TYSND1: variants seen among roughly 807,000 people sequenced by gnomAD.
TYSND1 encodes the protein peroxisomal leader peptide-processing protease.
TYSND1 carries 30 observed loss-of-function variants against 37.2 expected under a neutral mutation model. The ratio of observed to expected loss-of-function variants is 0.81; its 90% CI spans 0.60 to 1.09. The LOEUF is 1.09. Ranked by LOEUF, TYSND1 falls within the 50% of genes least tolerant of loss-of-function variation. The pLI, the probability that TYSND1 is intolerant of heterozygous loss-of-function variation, is 0.00. For missense variants in TYSND1, 806 were observed against 817.4 expected (o/e 0.99, Z 0.17); for synonymous variants, 364 against 383.8 (o/e 0.95, Z 0.60).
At position 70,140,535 on chromosome 10, in the gene TYSND1, GAATGAATGAATGA is replaced by G. The variant is rs1431514230; in HGVS notation, c.1484-407_1484-395del. Among the ~76,000 whole-genome samples the G allele has an allele frequency of 1.5e-3, 225 of 150,484 alleles. 2 individuals are homozygous for G. The Middle Eastern group carries it at 0.058, about 39-fold the overall frequency. ...TGAATGAATGAATGAATGAATGAAT[GAATGAATGAATGA>G]ATGAATCAGACCCACAGACATATTT... On this transcript the variant is annotated intron_variant, in intron 3 of 3. Transcript: ENST00000287078.
At chr10:70,141,834 G>A (rs565720754) in intron 3 of TYSND1, among the ~76,000 whole-genome samples, 245 of 152,148 alleles carry the variant, frequency 1.6e-3, no homozygotes, top group Middle Eastern at 6.8e-3. Context: ...CTCAGCCTCC[G>A]GAAGTGTTGG....
At position 70,144,487 on chromosome 10, in the gene TYSND1, G is replaced by A. The variant is rs1589865181; in HGVS notation, c.1167-515C>T. On this transcript the variant is annotated intron_variant, in intron 1 of 3. Transcript: ENST00000287078. Reference sequence around the variant, plus strand: ...CCTCTGGGTCCCTATTTACGTACACGCTAACACTTCTGTAGCACACGACGT... The same window carrying A: ...CCTCTGGGTCCCTATTTACGTACACACTAACACTTCTGTAGCACACGACGT... The A allele has an allele frequency of 8.1e-6, 8 of 992,330 alleles. No individual in the cohort carries two copies. The South Asian group carries it at 2.3e-4, about 28-fold the overall frequency. The allele number at this position is 992,330 out of a possible 1,614,324, so 61.5% of individuals were successfully genotyped here.
Position 70,145,924 on chromosome 10 carries a change from G to C in TYSND1, c.663C>G (p.Val221=). Residue 221 remains valine (V), a synonymous_variant, in exon 1 of 4, where the codon GTC becomes GTG. Transcript: ENST00000287078. ...AGAAGGCGCCGAAAGGGGAGCCGCA[G>C]ACCAGCAATGGCGCACCCTTGGGCA... ...GAVPKGAPLL[V]CGSPFGAFCP... is the part of the protein sequence containing the mutation. 2 of 1,551,998 alleles carry C rather than the reference G, an allele frequency of 1.3e-6. No individual in the cohort carries two copies. Among genetic ancestry groups the C allele is most frequent in the Non-Finnish European group, 1.7e-6 (2 of 1,148,508 alleles).
rs1384761972 is a variant in TYSND1 at position 70,143,908 on chromosome 10, C to G, written c.1231G>C (p.Val411Leu). 6.2e-7 allele frequency: 1 copy of G among 1,614,226 alleles called. No individual in the cohort carries two copies. The stretch of plus-strand genomic sequence containing the variant: ...TCCAGGTCCTCCTCCAGGCTCACCA[C>G]TGCTATGTCATAGGGACATGTCTCC... Reference protein sequence around the residue: ...TQETCPYDIAVVSLEEDLDDV... With the variant: ...TQETCPYDIALVSLEEDLDDV... Residue 411 changes from valine to leucine, a missense_variant, in exon 2 of 4, where the codon GTG (valine) becomes CTG (leucine). Val to Leu is a conservative substitution (Grantham distance 32). This residue lies in a region of TYSND1 where 708 missense variants were observed against 705.4 expected (regional missense o/e 1.00). Coordinates refer to ENST00000287078, the MANE Select transcript of TYSND1 (RefSeq NM_173555.4).
At chr10:70,145,068 C>A (rs1195096919) in intron 1 of TYSND1, among the ~76,000 whole-genome samples, 1 of 152,192 alleles carries the variant, frequency 6.6e-6, no homozygotes, top group African/African-American at 2.4e-5. Flanking sequence ...TAGGGAATCT[C>A]TGTTCAAAGG....
Position 70,142,802 on chromosome 10 carries a change from G to A in TYSND1, c.1349C>T (p.Pro450Leu). The A allele has an allele frequency of 1.2e-6, 2 of 1,614,106 alleles. No individual in the cohort carries two copies. The highest frequency in any genetic ancestry group is 1.7e-6 in the Non-Finnish European group (2 of 1,180,022). ...CGAAAGGATGCCTGAGGTCACCGAG[G>A]GCCCGCAAGACTGGCCAAAGACGCC... ...GFGVFGQSCGPSVTSGILSAV... is the reference protein window; with the variant it reads ...GFGVFGQSCGLSVTSGILSAV... The change falls in exon 3 of 4, where the codon CCC becomes CTC. Residue 450 changes from proline (P) to leucine (L), a missense_variant. This residue lies in a region of TYSND1 where 708 missense variants were observed against 705.4 expected (regional missense o/e 1.00). Transcript: ENST00000287078.
chr10:70,139,962 G>C lies in TYSND1; in HGVS notation c.1663C>G (p.Gln555Glu). ...CGCGGGGCCTCTGCCAGGGGCCGCT[G>C]CAACCGCCACACCACCCTGACTGGC... ...AEPVRVVWRL[Q>E]RPLAEAPRSK... is the part of the protein sequence containing the mutation. Residue 555 changes from glutamine (Q) to glutamate (E), a missense_variant, in exon 4 of 4, where the codon CAG becomes GAG. By Grantham distance (29) the Gln-to-Glu change is conservative. Transcript: ENST00000287078. 2 of 1,613,812 alleles carry C rather than the reference G, an allele frequency of 1.2e-6. No individual in the cohort carries two copies. Among genetic ancestry groups the C allele is most frequent in the Non-Finnish European group, 1.7e-6 (2 of 1,179,918 alleles).
intron 1 of TYSND1, chr10:70,144,869 A>AATGT: frequency 2.4e-6 from 2 of 837,110 alleles, no homozygotes. Context: ...GGCTGGGCTG[A>AATGT]ACCATGTACA....
chr10:70,144,819 T>C (rs1316714198), intron 1 of TYSND1: 1 of 984,502 alleles, frequency 1.0e-6, no homozygotes, highest in East Asian at 1.1e-4. Flanking sequence ...TGGCTAAGCT[T>C]GGGGATTCAG....
Position 70,145,659 on chromosome 10 carries a change from G to A in TYSND1, c.928C>T (p.Leu310Phe), listed in dbSNP as rs1225385012. ...APLFRAARDA[L>F]HRLPHSTAAL... ...GCGGTGCTGTGCGGCAGGCGGTGAA[G>A]CGCGTCGCGGGCGGCGCGGAAAAGG... The change falls in exon 1 of 4, where the codon CTT (leucine) becomes TTT (phenylalanine). Residue 310 changes from leucine (L) to phenylalanine (F), a missense_variant. Leu to Phe is a conservative substitution (Grantham distance 22, BLOSUM62 0). Coordinates refer to ENST00000287078, the MANE Select transcript of TYSND1 (RefSeq NM_173555.4). The A allele has an allele frequency of 1.1e-5, 16 of 1,391,446 alleles. No individual in the cohort carries two copies. Among genetic ancestry groups the A allele is most frequent in the East Asian group, 3.0e-5 (1 of 33,356 alleles). The allele number at this position is 1,391,446 out of a possible 1,614,324, so 86.2% of individuals were successfully genotyped here.
intron 1 of TYSND1, chr10:70,144,763 C>T: frequency 5.1e-6 from 5 of 985,462 alleles, no homozygotes; most frequent in Non-Finnish European, 6.0e-6. Context: ...TCCTATAGGC[C>T]ACAGTGGGGA....
chr10:70,142,681 T>C lies in TYSND1; in HGVS notation c.1470A>G (p.Ser490=). ...SSGGPLFSNH[S]GNLLGIITSN... ...AGAGCTGGTTACCAAGGAGGTTTCCTGAGTGGTTGGAGAAGAGGGGTCCCC... is the reference window on the plus strand; with the variant it reads ...AGAGCTGGTTACCAAGGAGGTTTCCCGAGTGGTTGGAGAAGAGGGGTCCCC... Residue 490 remains serine (S), a synonymous_variant, in exon 3 of 4, where the codon TCA becomes TCG. Transcript: ENST00000287078. 2 of 1,589,186 alleles carry C rather than the reference T, an allele frequency of 1.3e-6. No individual in the cohort carries two copies. Among genetic ancestry groups the C allele is most frequent in the Non-Finnish European group, 1.7e-6 (2 of 1,167,430 alleles).
chr10:70,144,662 G>A (rs753547649), intron 1 of TYSND1: 62 of 985,816 alleles, frequency 6.3e-5, no homozygotes, highest in Non-Finnish European at 7.3e-5. Flanking sequence ...TTAGGAGCAA[G>A]GGGCATGTGG....
intron 1 of TYSND1, 77 bp from the exon 2 acceptor site, chr10:70,144,049 G>A: frequency 6.3e-7 from 1 of 1,579,076 alleles, no homozygotes; most frequent in Admixed American, 1.7e-5. Flanking sequence ...AGCTGAGAGT[G>A]ACAGTAAAAG....
At position 70,146,573 on chromosome 10, in the gene TYSND1, C is replaced by G; in HGVS notation, c.14G>C (p.Trp5Ser). 1 of 1,565,566 alleles carries G rather than the reference C, an allele frequency of 6.4e-7. No homozygotes were observed. Among genetic ancestry groups the G allele is most frequent in the Non-Finnish European group, 8.6e-7 (1 of 1,164,106 alleles). The change falls in exon 1 of 4, where the codon TGG (tryptophan) becomes TCG (serine). Residue 5 changes from tryptophan to serine, a missense_variant. By Grantham distance (177) the Trp-to-Ser change is radical. This residue lies in a region of TYSND1 where 84 missense variants were observed against 79.0 expected (regional missense o/e 1.06). Transcript: ENST00000287078. MRRQ[W>S]GSAMRAAEQA... ...CTCGGCCGCCCTCATGGCAGACCCC[C>G]ACTGCCTTCTCATGGCCTCTAGGCC...
chr10:70,144,239 T>C (rs3763735), intron 1 of TYSND1: 392,042 of 457,426 alleles, frequency 0.86, 169,454 homozygotes, highest in Non-Finnish European at 0.9. Flanking sequence ...GGTGTTAGTG[T>C]TTTGTGGACA....
chr10:70,139,715 C>CA lies in TYSND1; in HGVS notation c.*208dup. The CA allele has an allele frequency of 1.8e-6, 1 of 558,360 alleles. No individual in the cohort carries two copies. Among genetic ancestry groups the CA allele is most frequent in the South Asian group, 2.4e-5 (1 of 42,010 alleles). 34.6% of individuals were successfully genotyped at this position (558,360 alleles called of 1,614,324 possible). Reference sequence around the variant, plus strand: ...GAACTGGGGGCTCAAGAAAGCACCCCAAAACGGGCTGCCAGGTTAAGGATC... The same window carrying CA: ...GAACTGGGGGCTCAAGAAAGCACCCCAAAAACGGGCTGCCAGGTTAAGGATC... On this transcript the variant is annotated 3_prime_UTR_variant, in exon 4 of 4. Transcript: ENST00000287078.
Position 70,139,956 on chromosome 10 carries a change from G to T in TYSND1, c.1669C>A (p.Pro557Thr). ...TTGCTCCGCGGGGCCTCTGCCAGGG[G>T]CCGCTGCAACCGCCACACCACCCTG... The part of the protein sequence containing the change: ...PVRVVWRLQR[P>T]LAEAPRSKL Residue 557 changes from proline (P) to threonine (T), a missense_variant, in exon 4 of 4, where the codon CCC becomes ACC. Transcript: ENST00000287078. The T allele has an allele frequency of 4.3e-6, 7 of 1,613,686 alleles. No individual in the cohort carries two copies. The highest frequency in any genetic ancestry group is 5.9e-6 in the Non-Finnish European group (7 of 1,179,914).
chr10:70,140,634 C>T (rs1340730381), intron 3 of TYSND1, among the ~76,000 whole-genome samples: 1 of 152,220 alleles, frequency 6.6e-6, no homozygotes, highest in Non-Finnish European at 1.5e-5. Context: ...TTCAGACATA[C>T]AGAAGTCTTG....
Sources: allele counts gnomAD v4.1 joint callset (sites outside exome capture counted in the v4.1 genomes callset), GRCh38; gene constraint gnomAD v4.1.1; regional missense constraint gnomAD v4.1.1; transcripts MANE v1.5; gene names NCBI Gene and HGNC (gene_info 2026-07-23, HGNC 2026-07-21).